Variants in MUSK observed in about 807,000 individuals in gnomAD.
The protein encoded by MUSK is muscle associated receptor tyrosine kinase.
In MUSK, 55 loss-of-function variants were observed where a neutral mutation model predicts 88.7. That is an observed-to-expected ratio of 0.62 (90% confidence interval 0.50 to 0.78). MUSK has a LOEUF of 0.78. MUSK is among the 30% of genes least tolerant of loss of function. The pLI is 0.00. For missense variants in MUSK, 1,015 were observed against 1,074.3 expected, an observed-to-expected ratio of 0.94 and a Z score of 0.77; for synonymous variants, 387 against 391.9, an observed-to-expected ratio of 0.99 and a Z score of 0.15.
intron 1 of MUSK, among the ~76,000 whole-genome samples, chr9:110,678,845 CAT>C (rs2076065573): frequency 6.6e-6 from 1 of 151,930 alleles, no homozygotes; most frequent in African/African-American, 2.4e-5. Flanking sequence ...TGTTTTACTA[CAT>C]ATATAATTAT....
chr9:110,718,832 C>G (rs1315960037), intron 5 of MUSK, among the ~76,000 whole-genome samples: 1 of 151,982 alleles, frequency 6.6e-6, no homozygotes, highest in African/African-American at 2.4e-5. Flanking sequence ...AGCTGTGAGG[C>G]AAAAGCATCA....
chr9:110,700,503 G>A (rs957201242), intron 5 of MUSK, among the ~76,000 whole-genome samples: 1 of 151,992 alleles, frequency 6.6e-6, no homozygotes, highest in African/African-American at 2.4e-5. Context: ...ATAGACAGGA[G>A]GTATTGACAA....
chr9:110,715,932 G>A (rs2076737253), intron 5 of MUSK, among the ~76,000 whole-genome samples: 1 of 149,224 alleles, frequency 6.7e-6, no homozygotes, highest in Admixed American at 6.6e-5. Flanking sequence ...GAGAACACAT[G>A]GACACATGGG....
intron 11 of MUSK, among the ~76,000 whole-genome samples, chr9:110,780,819 A>G (rs995130598): frequency 3.3e-5 from 5 of 152,174 alleles, no homozygotes; most frequent in African/African-American, 9.7e-5. Flanking sequence ...AAATTGTTTA[A>G]TCATGTGCTA....
intron 9 of MUSK, among the ~76,000 whole-genome samples, chr9:110,772,535 T>C (rs1007203593): frequency 6.6e-6 from 1 of 151,958 alleles, no homozygotes; most frequent in African/African-American, 2.4e-5. Context: ...TTTTTACATT[T>C]TAATATTTTA....
Position 110,672,737 on chromosome 9 carries a change from T to C in MUSK, c.79+3754T>C, listed in dbSNP as rs372804413. Among the ~76,000 whole-genome samples, 152 of 152,186 alleles carry C rather than the reference T, an allele frequency of 1.0e-3. 3 individuals carry two copies. The South Asian group carries it at 0.022, about 22-fold the overall frequency. On this transcript the variant is annotated intron_variant, in intron 1 of 14. Coordinates refer to ENST00000374448, the MANE Select transcript of MUSK (RefSeq NM_005592.4). ...AGTCAGAGCCCTAATTTTACTAAAA[T>C]AGAAAGGAGCAAATACACCTTGTTT...
At chr9:110,798,501 T>C (rs2078046268) in intron 14 of MUSK, among the ~76,000 whole-genome samples, 1 of 152,184 alleles carries the variant, frequency 6.6e-6, no homozygotes, top group African/African-American at 2.4e-5. Context: ...GAAGATGTCA[T>C]GCTAAAGTTT....
intron 1 of MUSK, among the ~76,000 whole-genome samples, chr9:110,679,468 A>G (rs1428311019): frequency 6.6e-6 from 1 of 151,256 alleles, no homozygotes; most frequent in East Asian, 1.9e-4. Context: ...GTTTTATTTT[A>G]TTTAAGTGTG....
At chr9:110,710,636 C>T (rs372871723) in intron 5 of MUSK, among the ~76,000 whole-genome samples, 34 of 151,972 alleles carry the variant, frequency 2.2e-4, no homozygotes, top group Non-Finnish European at 4.9e-4. Flanking sequence ...GTGGCTTCAC[C>T]GTGACAAGTG....
Position 110,785,016 on chromosome 9 carries a change from G to A in MUSK, c.1586G>A (p.Arg529Lys), listed in dbSNP as rs767464034. Reference sequence around the variant, plus strand: ...AGAAAACAATGGAAAAATAAGAAAAGGTGAGATTCTAGTTTCAGCTAACCA... The same window carrying A: ...AGAAAACAATGGAAAAATAAGAAAAAGTGAGATTCTAGTTTCAGCTAACCA... The part of the protein sequence containing the change: ...RRRKQWKNKK[R>K]ESAAVTLTTL... Residue 529 changes from arginine to lysine, a missense_variant and splice_region_variant, in exon 12 of 15, where the codon AGA (arginine) becomes AAA (lysine). Physicochemically the swap from Arg to Lys is conservative, Grantham distance 26 (BLOSUM62 2). Transcript: ENST00000374448. 6 of 1,613,062 alleles carry A rather than the reference G, an allele frequency of 3.7e-6. No homozygotes were observed. In the South Asian group the frequency reaches 6.6e-5, roughly 18 times the overall value.
intron 1 of MUSK, among the ~76,000 whole-genome samples, chr9:110,677,938 CAA>C (rs1231395878): frequency 2.6e-5 from 4 of 151,948 alleles, no homozygotes; most frequent in Non-Finnish European, 5.9e-5. Flanking sequence ...TATATTTTTG[CAA>C]GGATTTTTTT....
intron 1 of MUSK, among the ~76,000 whole-genome samples, chr9:110,676,303 ATG>A (rs768066281): frequency 1.7e-3 from 242 of 142,662 alleles, no homozygotes; most frequent in Non-Finnish European, 2.9e-3. Flanking sequence ...GTGTGTGTAT[ATG>A]TAAGTGTATA....
At chr9:110,721,400 T>C (rs2076809533) in intron 5 of MUSK, among the ~76,000 whole-genome samples, 1 of 152,140 alleles carries the variant, frequency 6.6e-6, no homozygotes, top group Non-Finnish European at 1.5e-5. Flanking sequence ...AGTTTCAGGA[T>C]ACAAAATTAA....
chr9:110,689,540 TA>T (rs1287869627), intron 3 of MUSK, among the ~76,000 whole-genome samples: 3 of 106,552 alleles, frequency 2.8e-5, no homozygotes, highest in African/African-American at 4.1e-5. Flanking sequence ...TATAAATATA[TA>T]GTTATATATA....
At chr9:110,683,914 C>T (rs1327440340) in intron 2 of MUSK, among the ~76,000 whole-genome samples, 1 of 152,040 alleles carries the variant, frequency 6.6e-6, no homozygotes, top group Non-Finnish European at 1.5e-5. Flanking sequence ...CAAATATTTC[C>T]TCCCATTCTA....
chr9:110,751,774 G>T (rs1003001572), intron 7 of MUSK, among the ~76,000 whole-genome samples: 1 of 151,360 alleles, frequency 6.6e-6, no homozygotes, highest in Non-Finnish European at 1.5e-5. Flanking sequence ...TAAGGAGAGG[G>T]TTAACCTATA....
chr9:110,682,619 G>A lies in MUSK; in HGVS notation c.80-55G>A, dbSNP rs530692068. On this transcript the variant is annotated intron_variant, in intron 1 of 14. Coordinates refer to ENST00000374448, the MANE Select transcript of MUSK (RefSeq NM_005592.4). Reference sequence around the variant, plus strand: ...TAATGGCTTCTGACTGCTTAAGGAAGGGTTAGTAAACAAAATTCTAGAATG... The same window carrying A: ...TAATGGCTTCTGACTGCTTAAGGAAAGGTTAGTAAACAAAATTCTAGAATG... 3.8e-5 allele frequency: 60 copies of A among 1,583,616 alleles called. No homozygotes were observed. The East Asian group carries it at 1.3e-3, about 35-fold the overall frequency.
intron 5 of MUSK, among the ~76,000 whole-genome samples, chr9:110,729,954 C>T (rs991920530): frequency 6.6e-6 from 1 of 151,992 alleles, no homozygotes; most frequent in African/African-American, 2.4e-5. Context: ...TATCTTTTTA[C>T]TATACCTTAC....
intron 1 of MUSK, among the ~76,000 whole-genome samples, chr9:110,677,040 G>A (rs1357916009): frequency 1.3e-5 from 2 of 151,978 alleles, no homozygotes; most frequent in East Asian, 1.9e-4. Flanking sequence ...CTTCCTATCC[G>A]TGGTTAACCC....
Sources: gnomAD v4.1 joint callset for allele counts (sites outside exome capture counted in the v4.1 genomes callset) on GRCh38, gnomAD v4.1.1 for gene constraint, MANE v1.5 for transcripts, NCBI Gene and HGNC (gene_info 2026-07-23, HGNC 2026-07-21) for gene names.